Variants in DLG3 observed in about 807,000 individuals in gnomAD.
The protein encoded by DLG3 is discs large MAGUK scaffold protein 3.
Under a neutral mutation model 64.1 loss-of-function variants are expected in DLG3, and 1 was observed. That is an observed-to-expected ratio of 0.02 (90% confidence interval 0.01 to 0.07). The LOEUF (loss-of-function observed/expected upper bound fraction) is 0.07. DLG3 is among the 10% of genes least tolerant of loss of function. DLG3 has a pLI of 1.00. For missense variants in DLG3, 429 were observed against 669.5 expected (o/e 0.64, Z 3.96); for synonymous variants, 245 against 259.8 (o/e 0.94, Z 0.55).
At chrX:70,488,698 T>C (rs2087301928) in intron 10 of DLG3, among the ~76,000 whole-genome samples, 1 of 112,172 alleles carries the variant, frequency 8.9e-6, no homozygotes, top group Admixed American at 9.5e-5. Flanking sequence ...CTTTATCAGA[T>C]AGAAAGTTGG....
At position 70,499,157 on chromosome X, in the gene DLG3, C is replaced by T. The variant is rs781717096; in HGVS notation, c.1871-19C>T. 15 of 1,162,776 alleles carry T rather than the reference C, an allele frequency of 1.3e-5. No individual in the cohort carries two copies. In the South Asian group the frequency reaches 1.6e-4, roughly 13 times the overall value. On this transcript the variant is annotated intron_variant, in intron 14 of 18. Coordinates refer to ENST00000374360, the MANE Select transcript of DLG3 (RefSeq NM_021120.4). ...TGGTGGGGGCCTCTGTTCACTGTCT[C>T]GATGCTCTCCCTCTCTAGTTCACTA...
At chrX:70,459,984 C>T (rs1194168786) in intron 9 of DLG3, among the ~76,000 whole-genome samples, 1 of 111,219 alleles carries the variant, frequency 9.0e-6, no homozygotes, top group Non-Finnish European at 1.9e-5. Context: ...TCAACAAATG[C>T]AGTATAAATG....
chrX:70,453,129 TAGGA>T (rs767480093), intron 7 of DLG3: 202 of 169,936 alleles, frequency 1.2e-3, no homozygotes, highest in African/African-American at 5.7e-3. Context: ...GGGCAGCAGG[TAGGA>T]GGGGTCATAG....
At chrX:70,480,884 C>T (rs180799126) in intron 10 of DLG3, among the ~76,000 whole-genome samples, 352 of 111,945 alleles carry the variant, frequency 3.1e-3, no homozygotes, top group Non-Finnish European at 3.7e-3. Context: ...CATTGGCTCC[C>T]GATATGGAGC....
At chrX:70,490,083 G>A (rs1461138970) in intron 10 of DLG3, among the ~76,000 whole-genome samples, 3 of 110,821 alleles carry the variant, frequency 2.7e-5, no homozygotes, top group African/African-American at 9.9e-5. Context: ...GGCTGGTCTC[G>A]AACTCCTGAC....
At chrX:70,489,673 G>A (rs1365001523) in intron 10 of DLG3, among the ~76,000 whole-genome samples, 3 of 111,276 alleles carry the variant, frequency 2.7e-5, no homozygotes, top group Non-Finnish European at 5.7e-5. Flanking sequence ...TTGGATTCCC[G>A]GCATCTAGAA....
At chrX:70,467,278 T>C (rs1452395020) in intron 9 of DLG3, among the ~76,000 whole-genome samples, 2 of 112,327 alleles carry the variant, frequency 1.8e-5, no homozygotes, top group African/African-American at 6.5e-5. Context: ...AGTAGGGTAC[T>C]AACTTAATTT....
At chrX:70,495,256 C>A (rs1311830251) in intron 12 of DLG3, 152 bp from the exon 13 acceptor site, 2 of 527,189 alleles carry the variant, frequency 3.8e-6, no homozygotes, top group East Asian at 7.2e-5. Flanking sequence ...TAGTGCTCAC[C>A]TACCTCTGTA....
intron 7 of DLG3, chrX:70,452,347 T>C (rs2086628113): frequency 1.0e-6 from 1 of 1,000,427 alleles, no homozygotes; most frequent in Non-Finnish European, 1.3e-6. Context: ...TGCCCTGAGA[T>C]AGTTGCAGCC....
At chrX:70,501,012 G>A in intron 18 of DLG3, 23 bp downstream of exon 18, 1 of 1,088,136 alleles carries the variant, frequency 9.2e-7, no homozygotes, top group Non-Finnish European at 1.3e-6. Flanking sequence ...CTGCCCTGCG[G>A]GGGGTTCTGG....
chrX:70,446,187 T>G (rs1400444148), intron 1 of DLG3, among the ~76,000 whole-genome samples: 2 of 110,696 alleles, frequency 1.8e-5, no homozygotes, highest in Non-Finnish European at 3.8e-5. Context: ...TGGCTGTGTT[T>G]GTGTGTGTGG....
intron 10 of DLG3, among the ~76,000 whole-genome samples, chrX:70,479,657 G>C (rs2087118179): frequency 9.0e-6 from 1 of 111,393 alleles, no homozygotes; most frequent in Non-Finnish European, 1.9e-5. Flanking sequence ...TTGTATCTGA[G>C]CATAGCAACT....
chrX:70,460,893 A>C (rs1376256834), intron 9 of DLG3, among the ~76,000 whole-genome samples: 9 of 112,359 alleles, frequency 8.0e-5, no homozygotes, highest in Non-Finnish European at 7.5e-5. Flanking sequence ...TCTGTGTTGT[A>C]CATGTATCAA....
At chrX:70,481,093 T>C (rs1046402273) in intron 10 of DLG3, among the ~76,000 whole-genome samples, 27 of 112,268 alleles carry the variant, frequency 2.4e-4, no homozygotes, top group African/African-American at 8.4e-4. Flanking sequence ...CTAGATTTAA[T>C]CAGGGGCACT....
intron 4 of DLG3, 26 bp downstream of exon 4, chrX:70,449,885 C>G (rs1353406694): frequency 8.6e-7 from 1 of 1,167,372 alleles, no homozygotes; most frequent in Admixed American, 2.6e-5. Flanking sequence ...TTCCTGTGCT[C>G]CAGCCAGAGC....
chrX:70,448,893 C>G lies in DLG3; in HGVS notation c.358-20C>G, dbSNP rs772610701. The stretch of plus-strand genomic sequence containing the variant: ...GGAAGGGCAGGGGGCACTAAGGGAA[C>G]TGCCTGTGTCTCCCCCTAGGTGAAT... On this transcript the variant is annotated intron_variant, in intron 1 of 18. Transcript: ENST00000374360. The G allele has an allele frequency of 1.2e-5, 15 of 1,204,565 alleles. No homozygotes were observed. The Middle Eastern group carries it at 2.1e-3, about 170-fold the overall frequency.
chrX:70,461,811 C>T (rs372975354), intron 9 of DLG3, among the ~76,000 whole-genome samples: 6 of 111,558 alleles, frequency 5.4e-5, no homozygotes, highest in Non-Finnish European at 9.4e-5. Context: ...CCGCCCGCCT[C>T]GGCCTCCCAA....
At chrX:70,471,066 A>C (rs1439226654) in intron 9 of DLG3, among the ~76,000 whole-genome samples, 1 of 110,478 alleles carries the variant, frequency 9.1e-6, no homozygotes, top group East Asian at 2.8e-4. Context: ...AAATTTGAGA[A>C]TCACAGAGTC....
intron 9 of DLG3, among the ~76,000 whole-genome samples, chrX:70,476,322 G>T (rs1270077809): frequency 1.8e-5 from 2 of 111,463 alleles, no homozygotes; most frequent in African/African-American, 3.3e-5. Flanking sequence ...TTAGAGGCTG[G>T]TCAGGTGGGC....
Sources: allele counts gnomAD v4.1 joint callset (sites outside exome capture counted in the v4.1 genomes callset), GRCh38; gene constraint gnomAD v4.1.1; transcripts MANE v1.5; gene names NCBI Gene and HGNC (gene_info 2026-07-23, HGNC 2026-07-21).